The following DYDC2 variants were observed in gnomAD, a reference collection of about 807,000 sequenced individuals.
The protein encoded by DYDC2 is DPY30 domain-containing protein 2.
Under a neutral mutation model 18.7 loss-of-function variants are expected in DYDC2, and 19 were observed. That is an observed-to-expected ratio of 1.02 (90% CI 0.71 to 1.49). The LOEUF is 1.49. Ranked by LOEUF, DYDC2 falls within the 40% of genes most tolerant of loss-of-function variation. The pLI, the probability that DYDC2 is intolerant of heterozygous loss-of-function variation, is 0.00. For synonymous variants in DYDC2, 63 were observed against 67.6 expected, an observed-to-expected ratio of 0.93 and a Z score of 0.34; for missense variants, 179 against 205.1, an observed-to-expected ratio of 0.87 and a Z score of 0.78.
intron 2 of DYDC2, among the ~76,000 whole-genome samples, chr10:80,358,411 C>T (rs1256765597): frequency 1.6e-4 from 24 of 152,272 alleles, no homozygotes; most frequent in African/African-American, 5.8e-4. Context: ...CCCTTGACTC[C>T]TTCCCCTCCA....
At chr10:80,356,584 C>T (rs535474078), upstream of DYDC2, 20 of 985,518 alleles carry the variant, frequency 2.0e-5, no homozygotes, top group South Asian at 9.4e-4. Flanking sequence ...GAAGCGGCCT[C>T]TCTCCGCCTC....
upstream of DYDC2, chr10:80,356,638 C>A: frequency 1.0e-6 from 1 of 984,516 alleles, no homozygotes; most frequent in Non-Finnish European, 1.2e-6. Context: ...GTCAGAACCG[C>A]CTCTGCCCGC....
At chr10:80,356,608 T>C, upstream of DYDC2, 2 of 985,450 alleles carry the variant, frequency 2.0e-6, no homozygotes, top group African/African-American at 1.7e-5. Context: ...TGAGTCCTGC[T>C]CGACGCCCAA....
At chr10:80,360,751 T>TTTTC (rs566000581) in intron 2 of DYDC2, among the ~76,000 whole-genome samples, 2 of 150,814 alleles carry the variant, frequency 1.3e-5, no homozygotes, top group Non-Finnish European at 3.0e-5. Flanking sequence ...TTTCTTCTTC[T>TTTTC]TTTCTTTCTT....
chr10:80,347,364 A>C (rs1300381451), intron 1 of DYDC2, among the ~76,000 whole-genome samples: 1 of 135,014 alleles, frequency 7.4e-6, no homozygotes, highest in Non-Finnish European at 1.5e-5. Context: ...AGACCTTATC[A>C]GATATATGGT....
intron 1 of DYDC2, among the ~76,000 whole-genome samples, 187 bp from the exon 2 acceptor site, chr10:80,357,706 G>C (rs1416761524): frequency 2.6e-5 from 4 of 152,146 alleles, no homozygotes; most frequent in African/African-American, 7.2e-5. Flanking sequence ...TGGCCTAGTC[G>C]TCTGTGCATG....
intron 1 of DYDC2, among the ~76,000 whole-genome samples, chr10:80,346,986 AG>A: frequency 6.6e-6 from 1 of 151,926 alleles, no homozygotes; most frequent in East Asian, 2.0e-4. Context: ...AGGCTGAGGC[AG>A]GAGAATCGCT....
chr10:80,363,136 C>T, intron 4 of DYDC2, 63 bp downstream of exon 4: 1 of 1,559,206 alleles, frequency 6.4e-7, no homozygotes. Flanking sequence ...CCAGGAAAGC[C>T]ACAAGTCAGC....
chr10:80,350,319 G>C (rs995644457), intron 1 of DYDC2, among the ~76,000 whole-genome samples: 1 of 152,188 alleles, frequency 6.6e-6, no homozygotes, highest in African/African-American at 2.4e-5. Context: ...AGAGAGTTAT[G>C]TATCTCCCAC....
rs1220144230 is a variant in DYDC2 at position 80,367,530 on chromosome 10, G to A, written c.*579G>A. The A allele has an allele frequency of 6.6e-6, 1 of 152,390 alleles. No homozygotes were observed. The highest frequency in any genetic ancestry group is 2.4e-5 in the African/African-American group (1 of 41,424). 9.4% of individuals were successfully genotyped at this position (152,390 alleles called of 1,614,324 possible). ...AGATAATGGGAGTGCTAGAAGCAAG[G>A]AGCCAGCAAGTCTGGACACATTACA... On this transcript the variant is annotated 3_prime_UTR_variant, in exon 5 of 5. Transcript: ENST00000256039.
intron 2 of DYDC2, among the ~76,000 whole-genome samples, 173 bp from the exon 3 acceptor site, chr10:80,362,262 A>G (rs1454779813): frequency 6.6e-6 from 1 of 152,238 alleles, no homozygotes; most frequent in Non-Finnish European, 1.5e-5. Flanking sequence ...TCATGGCACA[A>G]TCCTCCACTG....
intron 2 of DYDC2, among the ~76,000 whole-genome samples, chr10:80,358,856 C>T (rs948609828): frequency 2.6e-5 from 4 of 152,214 alleles, no homozygotes; most frequent in Middle Eastern, 6.8e-3. Flanking sequence ...GTCCAGAGTT[C>T]GTTCCTTTTG....
At chr10:80,365,721 G>A (rs546223888) in intron 4 of DYDC2, among the ~76,000 whole-genome samples, 7 of 152,170 alleles carry the variant, frequency 4.6e-5, no homozygotes, top group African/African-American at 1.7e-4. Flanking sequence ...AAGCTTGTTT[G>A]TTTTTTTCCT....
intron 2 of DYDC2, among the ~76,000 whole-genome samples, chr10:80,359,548 G>T (rs994718098): frequency 6.6e-6 from 1 of 152,180 alleles, no homozygotes; most frequent in Non-Finnish European, 1.5e-5. Flanking sequence ...CGGAGCAGTG[G>T]GTGGCGCTCA....
chr10:80,352,854 A>C (rs1843086998), upstream of DYDC2: 1 of 346,938 alleles, frequency 2.9e-6, no homozygotes, highest in African/African-American at 2.1e-5. Flanking sequence ...TCCAAGAGTC[A>C]GAAAAGAGAT....
At chr10:80,354,144 A>T (rs183608826), upstream of DYDC2, among the ~76,000 whole-genome samples, 3,092 of 148,558 alleles carry the variant, frequency 0.021, 116 homozygotes, top group African/African-American at 0.066. Flanking sequence ...ATATATATAT[A>T]TTTTTTCCTG....
At chr10:80,357,166 A>C (rs1843433921) in intron 1 of DYDC2, among the ~76,000 whole-genome samples, 1 of 135,196 alleles carries the variant, frequency 7.4e-6, no homozygotes, top group Admixed American at 7.3e-5. Flanking sequence ...ACGAGGGGGC[A>C]ACGGGCAGAG....
chr10:80,356,618 A>G, upstream of DYDC2: 4 of 985,434 alleles, frequency 4.1e-6, no homozygotes, highest in African/African-American at 1.7e-5. Context: ...TCGACGCCCA[A>G]GGCCCAACGG....
At chr10:80,346,444 C>CCTTTTTTTTT (rs1842630105) in intron 1 of DYDC2, among the ~76,000 whole-genome samples, 2 of 83,360 alleles carry the variant, frequency 2.4e-5, no homozygotes, top group African/African-American at 5.0e-5. Flanking sequence ...TCTTCCCTTT[C>CCTTTTTTTTT]TTTTTTTTTT....
Sources: allele counts gnomAD v4.1 joint callset (sites outside exome capture counted in the v4.1 genomes callset), GRCh38; gene constraint gnomAD v4.1.1; transcripts MANE v1.5; gene names NCBI Gene and HGNC (gene_info 2026-07-23, HGNC 2026-07-21).